The following XKR6 variants were observed in gnomAD, a reference collection of about 807,000 sequenced individuals.
XKR6 encodes the protein XK-related protein 6.
Under a neutral mutation model 56.7 loss-of-function variants are expected in XKR6, and 22 were observed. The observed-to-expected ratio is 0.39, with a 90% CI of 0.28 to 0.55. XKR6 has a LOEUF of 0.55. XKR6 is among the 20% of genes least tolerant of loss of function. XKR6 has a pLI of 0.66. For synonymous variants in XKR6, 524 were observed against 387.8 expected (o/e 1.35, Z -4.13); for missense variants, 852 against 889.0 (o/e 0.96, Z 0.53).
At chr8:11,061,941 C>G (rs1799845956) in intron 1 of XKR6, among the ~76,000 whole-genome samples, 1 of 152,218 alleles carries the variant, frequency 6.6e-6, no homozygotes, top group South Asian at 2.1e-4. Context: ...GCCTGTGTCC[C>G]TCGGCTGGCC....
At chr8:10,984,393 C>T (rs920088651) in intron 1 of XKR6, among the ~76,000 whole-genome samples, 3 of 152,198 alleles carry the variant, frequency 2.0e-5, no homozygotes, top group Non-Finnish European at 2.9e-5. Flanking sequence ...TTCCTAGGAA[C>T]GTCTATTATC....
At chr8:10,941,123 C>T (rs1001389967) in intron 1 of XKR6, among the ~76,000 whole-genome samples, 4 of 152,144 alleles carry the variant, frequency 2.6e-5, no homozygotes, top group African/African-American at 7.2e-5. Context: ...CCTTATGACA[C>T]GGAGACCCCT....
chr8:10,929,328 C>T (rs1441124261), intron 1 of XKR6, among the ~76,000 whole-genome samples: 1 of 152,242 alleles, frequency 6.6e-6, no homozygotes, highest in African/African-American at 2.4e-5. Flanking sequence ...ATTCATTTTA[C>T]AGGTGCAGTA....
intron 1 of XKR6, among the ~76,000 whole-genome samples, chr8:11,136,417 T>A (rs2116916127): frequency 6.6e-6 from 1 of 151,002 alleles, no homozygotes; most frequent in South Asian, 2.1e-4. Context: ...GGCAGGAGAA[T>A]CGCTTGAACC....
At chr8:11,059,513 G>A (rs1274077184) in intron 1 of XKR6, among the ~76,000 whole-genome samples, 1 of 151,962 alleles carries the variant, frequency 6.6e-6, no homozygotes, top group African/African-American at 2.4e-5. Context: ...TGCGCGGGCG[G>A]CGCCGCTCCA....
intron 1 of XKR6, among the ~76,000 whole-genome samples, chr8:11,038,174 G>C (rs1799194194): frequency 6.6e-6 from 1 of 152,180 alleles, no homozygotes; most frequent in Non-Finnish European, 1.5e-5. Context: ...GACATTCTAA[G>C]TTTTAACTTA....
intron 1 of XKR6, among the ~76,000 whole-genome samples, chr8:11,159,796 T>G (rs904371296): frequency 1.3e-5 from 2 of 152,186 alleles, no homozygotes; most frequent in African/African-American, 4.8e-5. Context: ...AGGGGCAACT[T>G]CTAGAAATTT....
intron 1 of XKR6, chr8:11,123,574 T>C: frequency 3.6e-6 from 1 of 275,806 alleles, no homozygotes; most frequent in East Asian, 9.2e-5. Flanking sequence ...CTAATAGAAA[T>C]AATCATAATG....
intron 1 of XKR6, among the ~76,000 whole-genome samples, chr8:10,970,682 G>T (rs1409888108): frequency 6.6e-6 from 1 of 151,854 alleles, no homozygotes; most frequent in African/African-American, 2.4e-5. Context: ...CATTTATTGG[G>T]CCTCAGTTTT....
intron 1 of XKR6, among the ~76,000 whole-genome samples, chr8:11,056,433 CCT>C (rs1329578520): frequency 2.6e-5 from 4 of 152,214 alleles, no homozygotes; most frequent in East Asian, 1.9e-4. Flanking sequence ...GTAAACATCC[CCT>C]GTGTTCACCC....
chr8:11,027,222 C>A (rs73196895), intron 1 of XKR6, among the ~76,000 whole-genome samples: 22,948 of 152,146 alleles, frequency 0.15, 1,880 homozygotes, highest in Middle Eastern at 0.2. Context: ...AGAAAAGGTA[C>A]AATAAAATAT....
At chr8:11,178,551 T>A (rs909192459) in intron 1 of XKR6, among the ~76,000 whole-genome samples, 8 of 116,312 alleles carry the variant, frequency 6.9e-5, no homozygotes, top group East Asian at 6.3e-4. Context: ...GGTAAAAATA[T>A]ATATATATAT....
chr8:11,039,829 C>G (rs187398760), intron 1 of XKR6, among the ~76,000 whole-genome samples: 1 of 152,366 alleles, frequency 6.6e-6, no homozygotes, highest in Non-Finnish European at 1.5e-5. Flanking sequence ...CACAGGGAAG[C>G]AGCCCGAGCA....
rs113858261 is a variant in XKR6 at position 11,134,196 on chromosome 8, T to G, written c.764+66380A>C. ...TTGCCCACCCTTACCTTCTCCTCTA[T>G]GTCCCCAAACAACCCTCTCCCACCT... On this transcript the variant is annotated intron_variant, in intron 1 of 2. Coordinates refer to ENST00000416569, the MANE Select transcript of XKR6 (RefSeq NM_173683.4). Among the ~76,000 whole-genome samples, 447 of 152,270 alleles carry G rather than the reference T, an allele frequency of 2.9e-3. 4 individuals carry two copies. Among genetic ancestry groups the G allele is most frequent in the African/African-American group, 0.01 (422 of 41,526 alleles).
At chr8:11,067,112 GCAGA>G (rs1800000618) in intron 1 of XKR6, 1 of 152,322 alleles carries the variant, frequency 6.6e-6, no homozygotes, top group Non-Finnish European at 1.5e-5. Flanking sequence ...GTCTTAGGGA[GCAGA>G]CAGTTTCGGA....
At chr8:11,136,757 C>T (rs1800423930) in intron 1 of XKR6, 1 of 152,144 alleles carries the variant, frequency 6.6e-6, no homozygotes, top group African/African-American at 2.4e-5. Context: ...TCCTGGATTT[C>T]CCAGACCTCA....
At chr8:11,055,801 G>A (rs1799667995) in intron 1 of XKR6, among the ~76,000 whole-genome samples, 1 of 151,704 alleles carries the variant, frequency 6.6e-6, no homozygotes, top group Non-Finnish European at 1.5e-5. Flanking sequence ...CACTGCACAG[G>A]GAGGAAAGCC....
At chr8:10,937,796 CT>C (rs1162816764) in intron 1 of XKR6, among the ~76,000 whole-genome samples, 5 of 151,560 alleles carry the variant, frequency 3.3e-5, no homozygotes, top group Non-Finnish European at 4.4e-5. Flanking sequence ...AACCACTGCT[CT>C]CTTCAAAGCT....
At chr8:10,988,158 C>T (rs1220372787) in intron 1 of XKR6, among the ~76,000 whole-genome samples, 1 of 152,192 alleles carries the variant, frequency 6.6e-6, no homozygotes, top group Non-Finnish European at 1.5e-5. Context: ...GTTTTTTGCC[C>T]CTTACCCCCA....
Sources: gnomAD v4.1 joint callset for allele counts (sites outside exome capture counted in the v4.1 genomes callset) on GRCh38, gnomAD v4.1.1 for gene constraint, MANE v1.5 for transcripts, NCBI Gene and HGNC (gene_info 2026-07-23, HGNC 2026-07-21) for gene names.